SDK2: variants seen among roughly 807,000 people sequenced by gnomAD.
SDK2 encodes the protein protein sidekick-2.
In SDK2, 105 loss-of-function variants were observed where a neutral mutation model predicts 253.9. The observed-to-expected ratio is 0.41, with a 90% confidence interval of 0.35 to 0.49. The LOEUF (loss-of-function observed/expected upper bound fraction) is 0.49. Among genes scored for constraint, SDK2 ranks in the 20% least tolerant of loss-of-function variants. The pLI, the probability that SDK2 is intolerant of heterozygous loss-of-function variation, is 0.06. For synonymous variants in SDK2, 1,249 were observed against 1,234.9 expected (o/e 1.01, Z -0.24); for missense variants, 2,608 against 3,003.0 (o/e 0.87, Z 3.07).
At chr17:73,580,500 G>A (rs1048662327) in intron 1 of SDK2, among the ~76,000 whole-genome samples, 8 of 152,226 alleles carry the variant, frequency 5.3e-5, no homozygotes, top group South Asian at 2.1e-4. Context: ...CGGGGCTCAC[G>A]CCGACCCAGG....
At chr17:73,635,485 A>G (rs1379697105) in intron 1 of SDK2, among the ~76,000 whole-genome samples, 2 of 152,134 alleles carry the variant, frequency 1.3e-5, no homozygotes, top group Non-Finnish European at 2.9e-5. Context: ...GGCCTCCCAG[A>G]TCTGTACCTC....
intron 25 of SDK2, 104 bp from the exon 26 acceptor site, chr17:73,394,428 T>C: frequency 1.7e-6 from 1 of 586,318 alleles, no homozygotes; most frequent in Middle Eastern, 4.8e-4. Context: ...AGCTCGATGT[T>C]GCCTCTCTAT....
In SDK2 at chr17:73,391,485, G is replaced by T. The variant is rs750724769; in HGVS notation, c.3952C>A (p.Arg1318=). ...LFPEVRTTSV[R]LIWQPPAAPN... ...GCGGCAGGGGGCTGCCAGATCAGCC[G>T]CACAGACGTGGTCCGCACCTCTGGG... The change falls in exon 28 of 45, where the codon CGG becomes AGG. Residue 1318 remains arginine (R), a synonymous_variant. Transcript: ENST00000392650. 1.5e-6 allele frequency: 2 copies of T among 1,309,772 alleles called. No homozygotes were observed. The highest frequency in any genetic ancestry group is 3.2e-5 in the South Asian group (1 of 30,772). The allele number at this position is 1,309,772 out of a possible 1,614,324, so 81.1% of individuals were successfully genotyped here.
At chr17:73,354,397 G>A (rs982100233) in intron 40 of SDK2, among the ~76,000 whole-genome samples, 3 of 152,194 alleles carry the variant, frequency 2.0e-5, no homozygotes, top group Non-Finnish European at 4.4e-5. Context: ...GCCTGGGTCA[G>A]GGACGAGGCA....
chr17:73,352,872 A>G lies in SDK2; in HGVS notation c.5594-235T>C, dbSNP rs2062551431. ...TTTGAGAGGCCGAGGTGGGTGGATC[A>G]CCTGAGGTTAGGAGTTCGAGACCAG... On this transcript the variant is annotated intron_variant, in intron 40 of 44. Transcript: ENST00000392650. The surrounding 1 kb of genome is among the most constrained non-coding windows in gnomAD (Gnocchi z 4.1). 6.6e-6 allele frequency among the ~76,000 whole-genome samples: 1 copy of G among 152,200 alleles called. No individual in the cohort carries two copies. Among genetic ancestry groups the G allele is most frequent in the Non-Finnish European group, 1.5e-5 (1 of 68,032 alleles).
chr17:73,604,328 C>T (rs988376351), intron 1 of SDK2, among the ~76,000 whole-genome samples: 1 of 152,220 alleles, frequency 6.6e-6, no homozygotes, highest in Non-Finnish European at 1.5e-5. Flanking sequence ...TCCACCACCC[C>T]CTTGTCCTTC....
intron 12 of SDK2, 86 bp downstream of exon 12, chr17:73,430,425 C>G: frequency 9.8e-7 from 1 of 1,016,304 alleles, no homozygotes; most frequent in Non-Finnish European, 1.5e-6. Flanking sequence ...GCTGTTACCT[C>G]CCTAATGTGG....
In SDK2 at chr17:73,455,969, C is replaced by T; in HGVS notation, c.416G>A (p.Ser139Asn). The change falls in exon 4 of 45, where the codon AGC becomes AAC. Residue 139 changes from serine (S) to asparagine (N), a missense_variant. Coordinates refer to ENST00000392650, the MANE Select transcript of SDK2 (RefSeq NM_001144952.2). This position sits in a 1 kb window ranked among gnomAD's most constrained non-coding sequence, Gnocchi z 5.0. ...CCAGGTCACCTGTGGCTGGGGGAAGCTGGCGATGCGCGGGGCACGGATGAC... is the reference window on the plus strand; with the variant it reads ...CCAGGTCACCTGTGGCTGGGGGAAGTTGGCGATGCGCGGGGCACGGATGAC... ...AAVIRAPRIASFPQPQVTWFR... is the reference protein window; with the variant it reads ...AAVIRAPRIANFPQPQVTWFR... The T allele has an allele frequency of 6.5e-7, 1 of 1,548,696 alleles. No individual in the cohort carries two copies. The highest frequency in any genetic ancestry group is 8.7e-7 in the Non-Finnish European group (1 of 1,146,230).
At position 73,431,630 on chromosome 17, in the gene SDK2, C is replaced by T. The variant is rs200893218; in HGVS notation, c.1352G>A (p.Arg451His). Residue 451 changes from arginine to histidine, a missense_variant, in exon 11 of 45, where the codon CGC becomes CAC. Coordinates refer to ENST00000392650, the MANE Select transcript of SDK2 (RefSeq NM_001144952.2). This position sits in a 1 kb window ranked among gnomAD's most constrained non-coding sequence, Gnocchi z 5.6. ...GCTGCCCGACTCCAGGGGTGTGAAG[C>T]GAGGCAGCTGCACAGAGCCACTGGC... ...ILASGSVQLP[R>H]FTPLESGSLL... The T allele has an allele frequency of 5.6e-6, 9 of 1,612,728 alleles. No homozygotes were observed. The highest frequency in any genetic ancestry group is 2.2e-5 in the East Asian group (1 of 44,826).
intron 1 of SDK2, among the ~76,000 whole-genome samples, chr17:73,572,518 C>A (rs9903130): frequency 2.6e-5 from 4 of 151,304 alleles, no homozygotes; most frequent in Admixed American, 6.6e-5. Context: ...CCCAGCTCTT[C>A]ACCTTCTTAG....
rs1216172745 is a variant in SDK2, at chr17:73,379,251, T to C, written c.4906A>G (p.Thr1636Ala). The C allele has an allele frequency of 6.4e-7, 1 of 1,555,668 alleles. No homozygotes were observed. Among genetic ancestry groups the C allele is most frequent in the Non-Finnish European group, 8.7e-7 (1 of 1,149,314 alleles). ...APRNVVVHGA[T>A]ATQLDVTWEP... ...CAAGTCACGTCCAGCTGTGTGGCCG[T>C]GGCGCCGTGGACGACCACGTTACGA... Residue 1636 changes from threonine (T) to alanine (A), a missense_variant, in exon 36 of 45, where the codon ACG (threonine) becomes GCG (alanine). Transcript: ENST00000392650. This position sits in a 1 kb window ranked among gnomAD's most constrained non-coding sequence, Gnocchi z 4.5.
intron 18 of SDK2, among the ~76,000 whole-genome samples, chr17:73,413,611 T>G (rs1795818228): frequency 6.6e-6 from 1 of 152,166 alleles, no homozygotes; most frequent in Admixed American, 6.5e-5. Flanking sequence ...AAAATCACTT[T>G]CCAAGTGGTT....
chr17:73,410,792 G>A (rs148840230), intron 18 of SDK2, among the ~76,000 whole-genome samples: 4 of 152,232 alleles, frequency 2.6e-5, no homozygotes, highest in African/African-American at 7.2e-5. Flanking sequence ...GACCTTTATC[G>A]AGTAGCTACT....
chr17:73,377,390 TG>T (rs1252350799), intron 36 of SDK2, among the ~76,000 whole-genome samples: 1 of 149,814 alleles, frequency 6.7e-6, no homozygotes, highest in African/African-American at 2.5e-5. Flanking sequence ...GGATAATTTT[TG>T]TATTTTTAGT....
intron 36 of SDK2, among the ~76,000 whole-genome samples, chr17:73,377,176 T>C (rs1338137412): frequency 6.7e-6 from 1 of 149,782 alleles, no homozygotes. Context: ...AAGGGTTATG[T>C]GTTCCAGCTC....
At chr17:73,615,227 T>G (rs2046039276) in intron 1 of SDK2, among the ~76,000 whole-genome samples, 1 of 152,206 alleles carries the variant, frequency 6.6e-6, no homozygotes, top group African/African-American at 2.4e-5. Context: ...CAAACATCAT[T>G]GACTTTAACG....
At chr17:73,540,279 C>T (rs58532511) in intron 1 of SDK2, among the ~76,000 whole-genome samples, 62,521 of 152,076 alleles carry the variant, frequency 0.41, 13,171 homozygotes, top group African/African-American at 0.5. Context: ...GAGTCTATTT[C>T]GGTGGTTCTA....
At chr17:73,390,583 T>C (rs1348762087) in intron 28 of SDK2, 102 bp from the exon 29 acceptor site, 2 of 1,209,040 alleles carry the variant, frequency 1.7e-6, no homozygotes, top group Non-Finnish European at 2.3e-6. Context: ...TGTCTGTACA[T>C]GGCCACCTTG....
chr17:73,380,182 T>TCCTTCCC (rs2062819061), intron 34 of SDK2, among the ~76,000 whole-genome samples: 2 of 152,134 alleles, frequency 1.3e-5, no homozygotes, highest in African/African-American at 4.8e-5. Flanking sequence ...TGCCCCTGCT[T>TCCTTCCC]CCTTCCCCTG....
Sources: gnomAD v4.1 joint callset for allele counts (sites outside exome capture counted in the v4.1 genomes callset) on GRCh38, gnomAD v4.1.1 for gene constraint, Gnocchi (gnomAD v3.1) non-coding constraint, MANE v1.5 for transcripts, NCBI Gene and HGNC (gene_info 2026-07-23, HGNC 2026-07-21) for gene names.